Variants in GABRG1 observed in about 807,000 individuals in gnomAD.
GABRG1 encodes the protein gamma-aminobutyric acid receptor subunit gamma-1.
A neutral mutation model predicts 49.8 loss-of-function variants in GABRG1; 49 were observed. That is an observed-to-expected ratio of 0.98 (90% CI 0.78 to 1.25). GABRG1 has a LOEUF of 1.25. GABRG1 is among the 50% of genes most tolerant of loss of function. The probability of loss-of-function intolerance (pLI) is 0.00; values close to 1 mark genes in which losing one functional copy is unlikely to be tolerated. For synonymous variants in GABRG1, 232 were observed against 185.1 expected, an observed-to-expected ratio of 1.25 and a Z score of -2.06; for missense variants, 552 against 552.3, an observed-to-expected ratio of 1.00 and a Z score of 0.01.
intron 1 of GABRG1, among the ~76,000 whole-genome samples, chr4:46,122,219 C>A (rs1721106794): frequency 6.6e-6 from 1 of 151,826 alleles, no homozygotes; most frequent in Admixed American, 6.6e-5. Flanking sequence ...CAAATATTCC[C>A]CAAAACAAAA....
At chr4:46,117,550 G>GTCTCTCTCTCTCTCTCTCTC (rs373546541) in intron 1 of GABRG1, among the ~76,000 whole-genome samples, 1 of 116,678 alleles carries the variant, frequency 8.6e-6, no homozygotes, top group African/African-American at 3.0e-5. Context: ...TGTTATCTCT[G>GTCTCTCTCTCTCTCTCTCTC]TCTCTCTCTC....
chr4:46,063,927 G>T (rs578080077), intron 5 of GABRG1, among the ~76,000 whole-genome samples: 77 of 152,162 alleles, frequency 5.1e-4, no homozygotes, highest in Non-Finnish European at 9.1e-4. Flanking sequence ...ACTTCTCTAT[G>T]AATCAATCTT....
intron 3 of GABRG1, among the ~76,000 whole-genome samples, chr4:46,066,964 GA>G (rs1208306731): frequency 6.6e-6 from 1 of 151,676 alleles, no homozygotes; most frequent in Admixed American, 6.6e-5. Context: ...TAAGTAAATT[GA>G]AAAATAGGTA....
chr4:46,085,573 T>G (rs909075007), intron 2 of GABRG1, among the ~76,000 whole-genome samples: 1 of 151,530 alleles, frequency 6.6e-6, no homozygotes, highest in African/African-American at 2.4e-5. Flanking sequence ...ATCTGATCCT[T>G]GAATCTGCAG....
Position 46,037,883 on chromosome 4 carries a change from TA to T in GABRG1, c.*3104del, listed in dbSNP as rs1311819042. ...GAGAGAACTGTAGCCTATTCTTTTTTATGCTGAATTGGCATGAATGCAGATT... is the reference window on the plus strand; with the variant it reads ...GAGAGAACTGTAGCCTATTCTTTTTTTGCTGAATTGGCATGAATGCAGATT... On this transcript the variant is annotated 3_prime_UTR_variant, in exon 9 of 9. Coordinates refer to ENST00000295452, the MANE Select transcript of GABRG1 (RefSeq NM_173536.4). 1 of 151,724 alleles carries T rather than the reference TA, an allele frequency of 6.6e-6. No homozygotes were observed. The highest frequency in any genetic ancestry group is 1.5e-5 in the Non-Finnish European group (1 of 67,756). The allele number at this position is 151,724 out of a possible 1,614,324, so 9.4% of individuals were successfully genotyped here.
At chr4:46,061,693 A>G (rs1718682406) in intron 5 of GABRG1, among the ~76,000 whole-genome samples, 1 of 151,886 alleles carries the variant, frequency 6.6e-6, no homozygotes, top group Non-Finnish European at 1.5e-5. Context: ...GATAAATAAA[A>G]GCATTTTAAT....
rs773192310 is a variant in GABRG1, at chr4:46,051,477, T to A, written c.1078A>T (p.Asn360Tyr). Residue 360 changes from asparagine (N) to tyrosine (Y), a missense_variant, in exon 8 of 9, where the codon AAC (asparagine) becomes TAC (tyrosine). Asn to Tyr is a moderately radical substitution (Grantham distance 143). Coordinates refer to ENST00000295452, the MANE Select transcript of GABRG1 (RefSeq NM_173536.4). ...TTAGTAGCAGTCTTTCCTTTTTGGT[T>A]GCTGGTAAAATAATGCAAGGTTCCA... ...EYGTLHYFTS[N>Y]QKGKTATKDR... 4.3e-6 allele frequency: 7 copies of A among 1,611,006 alleles called. No homozygotes were observed. The highest frequency in any genetic ancestry group is 5.9e-6 in the Non-Finnish European group (7 of 1,178,276).
At chr4:46,101,141 A>C (rs1449699182) in intron 1 of GABRG1, among the ~76,000 whole-genome samples, 4 of 151,562 alleles carry the variant, frequency 2.6e-5, no homozygotes, top group African/African-American at 9.7e-5. Flanking sequence ...GATTTTTTAA[A>C]AATAATACTC....
chr4:46,094,252 C>A (rs1463400597), intron 2 of GABRG1, among the ~76,000 whole-genome samples: 1 of 151,740 alleles, frequency 6.6e-6, no homozygotes, highest in Non-Finnish European at 1.5e-5. Context: ...ACAAAAAATG[C>A]CCACACTTCA....
At chr4:46,052,534 A>G (rs892108502) in intron 7 of GABRG1, among the ~76,000 whole-genome samples, 3 of 151,824 alleles carry the variant, frequency 2.0e-5, no homozygotes, top group Non-Finnish European at 2.9e-5. Flanking sequence ...CCAATCCTGT[A>G]TGTGTATCCT....
chr4:46,105,379 C>T (rs1459402952), intron 1 of GABRG1, among the ~76,000 whole-genome samples: 1 of 151,428 alleles, frequency 6.6e-6, no homozygotes, highest in African/African-American at 2.4e-5. Context: ...AAGAATGATA[C>T]AGACAAATAT....
intron 5 of GABRG1, among the ~76,000 whole-genome samples, chr4:46,062,850 C>A (rs1184585870): frequency 3.3e-5 from 5 of 152,006 alleles, no homozygotes; most frequent in Non-Finnish European, 7.4e-5. Flanking sequence ...GTACAAAAAT[C>A]ACAAGCATTC....
rs539175676 is a variant in GABRG1, at chr4:46,038,565, T to G, written c.*2423A>C. ...GAAAGAGGAAGATTTTTTAAAAAAA[T>G]TATTTCTCAAGGTGGTGAAACTTAT... On this transcript the variant is annotated 3_prime_UTR_variant, in exon 9 of 9. Coordinates refer to ENST00000295452, the MANE Select transcript of GABRG1 (RefSeq NM_173536.4). The G allele has an allele frequency of 6.6e-6, 1 of 151,702 alleles. No individual in the cohort carries two copies. Among genetic ancestry groups the G allele is most frequent in the East Asian group, 1.9e-4 (1 of 5,152 alleles). The allele number at this position is 151,702 out of a possible 1,614,324, so 9.4% of individuals were successfully genotyped here.
At chr4:46,117,590 T>TTTC (rs1385032204) in intron 1 of GABRG1, among the ~76,000 whole-genome samples, 2 of 130,292 alleles carry the variant, frequency 1.5e-5, no homozygotes, top group African/African-American at 6.3e-5. Context: ...CTGTCTCTCT[T>TTTC]TGTCTCTCTC....
At chr4:46,078,053 T>C (rs1019895124) in intron 3 of GABRG1, among the ~76,000 whole-genome samples, 1 of 151,670 alleles carries the variant, frequency 6.6e-6, no homozygotes, top group African/African-American at 2.4e-5. Flanking sequence ...TAAAATAAGA[T>C]CTGTTAAAAA....
chr4:46,069,618 G>C (rs1719045477), intron 3 of GABRG1, among the ~76,000 whole-genome samples: 1 of 152,080 alleles, frequency 6.6e-6, no homozygotes, highest in Non-Finnish European at 1.5e-5. Flanking sequence ...ACATATTCTG[G>C]ATTCAGCTAC....
At chr4:46,105,795 A>AGATAGATGGATGGGTAGATAGATAGAT (rs1444779883) in intron 1 of GABRG1, among the ~76,000 whole-genome samples, 260 of 121,274 alleles carry the variant, frequency 2.1e-3, no homozygotes, top group African/African-American at 5.2e-3. Context: ...GATAGATGAT[A>AGATAGATGGATGGGTAGATAGATAGAT]GATAGATAGA....
intron 1 of GABRG1, among the ~76,000 whole-genome samples, chr4:46,117,741 C>CACATATACATACATGTATAT (rs1553884407): frequency 3.8e-4 from 54 of 141,914 alleles, no homozygotes; most frequent in Non-Finnish European, 5.6e-4. Context: ...TATACATATA[C>CACATATACATACATGTATAT]ACATATACAT....
chr4:46,065,194 C>G (rs897551417), intron 4 of GABRG1, among the ~76,000 whole-genome samples, 170 bp downstream of exon 4: 1 of 152,062 alleles, frequency 6.6e-6, no homozygotes, highest in Non-Finnish European at 1.5e-5. Flanking sequence ...ATAATAATAA[C>G]TGAGCTTAAA....
Sources: gnomAD v4.1 joint callset for allele counts (sites outside exome capture counted in the v4.1 genomes callset) on GRCh38, gnomAD v4.1.1 for gene constraint, MANE v1.5 for transcripts, NCBI Gene and HGNC (gene_info 2026-07-23, HGNC 2026-07-21) for gene names.